The following GRIN2B variants were observed in gnomAD, a reference collection of about 807,000 sequenced individuals.
GRIN2B encodes glutamate ionotropic receptor NMDA type subunit 2B.
GRIN2B carries 5 observed loss-of-function variants against 114.5 expected under a neutral mutation model. The ratio of observed to expected loss-of-function variants is 0.04; its 90% CI spans 0.02 to 0.09. GRIN2B has a LOEUF of 0.09. Among genes scored for constraint, GRIN2B ranks in the 10% least tolerant of loss-of-function variants. GRIN2B has a pLI of 1.00. For synonymous variants in GRIN2B, 787 were observed against 745.1 expected, an observed-to-expected ratio of 1.06 and a Z score of -0.92; for missense variants, 1,108 against 1,943.5, an observed-to-expected ratio of 0.57 and a Z score of 8.08.
rs1427633799 is a variant in GRIN2B, at chr12:13,541,988, T to C, written c.*20795A>G. The C allele has an allele frequency of 1.3e-5, 2 of 152,200 alleles. No individual in the cohort carries two copies. Among genetic ancestry groups the C allele is most frequent in the Admixed American group, 6.5e-5 (1 of 15,272 alleles). The allele number at this position is 152,200 out of a possible 1,614,324, so 9.4% of individuals were successfully genotyped here. On this transcript the variant is annotated 3_prime_UTR_variant, in exon 14 of 14. Transcript: ENST00000609686. ...TCTGCTCTCCTTGCCAAACTACTTG[T>C]TTTTTTCAGACCCTCCCCAAGAGTC... is the stretch of plus-strand genomic sequence containing the variant.
At chr12:13,913,246 T>A (rs1452221777) in intron 2 of GRIN2B, among the ~76,000 whole-genome samples, 1 of 152,188 alleles carries the variant, frequency 6.6e-6, no homozygotes, top group Non-Finnish European at 1.5e-5. Context: ...CATTCAAGTA[T>A]GGTTTTAGAG....
intron 3 of GRIN2B, among the ~76,000 whole-genome samples, chr12:13,755,107 C>T (rs1427923526): frequency 6.6e-6 from 1 of 152,142 alleles, no homozygotes. Context: ...TCCAGGCTAA[C>T]AAAACTGTGT....
rs1438282344 is a variant in GRIN2B at position 13,539,174 on chromosome 12, G to A, written c.*23609C>T. 2.6e-5 allele frequency: 4 copies of A among 152,198 alleles called. No individual in the cohort carries two copies. Among genetic ancestry groups the A allele is most frequent in the African/African-American group, 9.7e-5 (4 of 41,450 alleles). 9.4% of individuals were successfully genotyped at this position (152,198 alleles called of 1,614,324 possible). ...ATCTCTCTGAGACAGTAACTTCAAAGAGATAACAATACATTATCCTGGGAG... is the reference window on the plus strand; with the variant it reads ...ATCTCTCTGAGACAGTAACTTCAAAAAGATAACAATACATTATCCTGGGAG... On this transcript the variant is annotated 3_prime_UTR_variant, in exon 14 of 14. Transcript: ENST00000609686.
At chr12:13,905,617 G>A (rs1169494084) in intron 2 of GRIN2B, among the ~76,000 whole-genome samples, 1 of 152,096 alleles carries the variant, frequency 6.6e-6, no homozygotes, top group Non-Finnish European at 1.5e-5. Flanking sequence ...GAGTGGGGAG[G>A]TGGTTCCCGG....
chr12:13,555,651 C>T lies in GRIN2B; in HGVS notation c.*7132G>A, dbSNP rs1948470569. 6.6e-6 allele frequency: 1 copy of T among 152,062 alleles called. No individual in the cohort carries two copies. Among genetic ancestry groups the T allele is most frequent in the Admixed American group, 6.6e-5 (1 of 15,264 alleles). 9.4% of individuals were successfully genotyped at this position (152,062 alleles called of 1,614,324 possible). A position where few individuals can be genotyped will look rare whatever the true frequency, so the allele number is the denominator to read the frequency against. On this transcript the variant is annotated 3_prime_UTR_variant, in exon 14 of 14. Transcript: ENST00000609686. Reference sequence around the variant, plus strand: ...AAGGATGGAAAAGATGTGTGAAAGACAAGAGAAATCTAAAGGCAGAGAGGA... The same window carrying T: ...AAGGATGGAAAAGATGTGTGAAAGATAAGAGAAATCTAAAGGCAGAGAGGA...
chr12:13,962,089 TAC>T lies in GRIN2B; in HGVS notation c.-19+17837_-19+17838del, dbSNP rs143658576. 1.3e-3 allele frequency among the ~76,000 whole-genome samples: 196 copies of T among 145,340 alleles called. 2 individuals carry two copies. Among genetic ancestry groups the T allele is most frequent in the African/African-American group, 3.9e-3 (153 of 39,598 alleles). On this transcript the variant is annotated intron_variant, in intron 2 of 13. Transcript: ENST00000609686. ...TCTCAGATTCTGTCTCTCTCATACA[TAC>T]ACACACACACACACACACACACACA...
intron 5 of GRIN2B, among the ~76,000 whole-genome samples, chr12:13,669,078 G>A (rs1007042933): frequency 7.9e-5 from 12 of 151,810 alleles, no homozygotes; most frequent in African/African-American, 2.4e-4. Context: ...TTGCTTGCAC[G>A]GGACTGTACA....
intron 4 of GRIN2B, among the ~76,000 whole-genome samples, chr12:13,735,618 A>G (rs764941720): frequency 1.3e-5 from 2 of 152,202 alleles, no homozygotes; most frequent in Admixed American, 1.3e-4. Flanking sequence ...GAATCTCAAT[A>G]GTATCAGAAT....
At position 13,650,585 on chromosome 12, in the gene GRIN2B, C is replaced by G. The variant is rs879567340; in HGVS notation, c.1125+25160G>C. On this transcript the variant is annotated intron_variant, in intron 5 of 13. Transcript: ENST00000609686. ...TGGAGTTCTGAACAAGAAATTATAT[C>G]CCATGAACATCAATTGGCAAATGGG... 2.6e-4 allele frequency among the ~76,000 whole-genome samples: 39 copies of G among 152,024 alleles called. 1 individual carries two copies. Among genetic ancestry groups the G allele is most frequent in the Admixed American group, 5.9e-4 (9 of 15,244 alleles).
At chr12:13,835,005 T>C (rs1255580382) in intron 3 of GRIN2B, among the ~76,000 whole-genome samples, 4 of 152,216 alleles carry the variant, frequency 2.6e-5, no homozygotes, top group Non-Finnish European at 4.4e-5. Context: ...CTTCTCTAAT[T>C]GGCCTTCATG....
intron 3 of GRIN2B, among the ~76,000 whole-genome samples, chr12:13,800,574 C>A (rs184705203): frequency 6.6e-6 from 1 of 152,064 alleles, no homozygotes; most frequent in Non-Finnish European, 1.5e-5. Flanking sequence ...AAACTGTCAC[C>A]CCTTGGGGCT....
intron 2 of GRIN2B, among the ~76,000 whole-genome samples, chr12:13,904,566 G>T (rs1351098038): frequency 1.3e-5 from 2 of 151,872 alleles, no homozygotes; most frequent in Admixed American, 6.6e-5. Flanking sequence ...TACTCCACTT[G>T]CTCTTCACTC....
At chr12:13,928,259 C>T (rs908996276) in intron 2 of GRIN2B, among the ~76,000 whole-genome samples, 4 of 149,622 alleles carry the variant, frequency 2.7e-5, no homozygotes, top group African/African-American at 4.9e-5. Context: ...GCTGAGATTG[C>T]GCCATTACAC....
rs1424106237 is a variant in GRIN2B, at chr12:13,563,657, G to A, written c.3581C>T (p.Pro1194Leu). The change falls in exon 14 of 14, where the codon CCT becomes CTT. Residue 1194 changes from proline (P) to leucine (L), a missense_variant. This residue lies in a region of GRIN2B where 478 missense variants were observed against 506.0 expected (regional missense o/e 0.94). Coordinates refer to ENST00000609686, the MANE Select transcript of GRIN2B (RefSeq NM_000834.5). ...GDKHGVVSGV[P>L]APWEKNLTNV... The stretch of plus-strand genomic sequence containing the variant: ...GGTCAGGTTCTTCTCCCAAGGTGCA[G>A]GTACCCCGCTGACCACGCCGTGTTT... 1 of 1,613,632 alleles carries A rather than the reference G, an allele frequency of 6.2e-7. No individual in the cohort carries two copies. The highest frequency in any genetic ancestry group is 8.5e-7 in the Non-Finnish European group (1 of 1,180,044).
chr12:13,952,772 C>T (rs1867512796), intron 2 of GRIN2B, among the ~76,000 whole-genome samples: 1 of 151,926 alleles, frequency 6.6e-6, no homozygotes, highest in Non-Finnish European at 1.5e-5. Context: ...ATCTCACCCA[C>T]TTTTAATTTC....
intron 2 of GRIN2B, among the ~76,000 whole-genome samples, chr12:13,949,951 A>G (rs1867449254): frequency 6.6e-6 from 1 of 152,216 alleles, no homozygotes; most frequent in Non-Finnish European, 1.5e-5. Flanking sequence ...GGAACTCAAA[A>G]GAGAGCAACA....
chr12:13,792,156 T>C (rs1565538971), intron 3 of GRIN2B, among the ~76,000 whole-genome samples: 1 of 152,240 alleles, frequency 6.6e-6, no homozygotes, highest in Non-Finnish European at 1.5e-5. Flanking sequence ...CCATTGGCCT[T>C]GGACCTATGA....
chr12:13,564,777 G>GACT lies in GRIN2B; in HGVS notation c.2599-139_2599-138insAGT. ...AAGCGAATAGTCTAATATACTATTA[G>GACT]ATGTGGCTAGAAGTTTGCCTAATTT... On this transcript the variant is annotated intron_variant, in intron 13 of 13. Transcript: ENST00000609686. The surrounding 1 kb of genome is among the most constrained non-coding windows in gnomAD (Gnocchi z 4.8). 1.2e-6 allele frequency: 1 copy of GACT among 843,578 alleles called. No individual in the cohort carries two copies. Among genetic ancestry groups the GACT allele is most frequent in the Non-Finnish European group, 2.0e-6 (1 of 505,310 alleles). 52.3% of individuals were successfully genotyped at this position (843,578 alleles called of 1,614,324 possible). A position where few individuals can be genotyped will look rare whatever the true frequency, so the allele number is the denominator to read the frequency against.
intron 3 of GRIN2B, among the ~76,000 whole-genome samples, chr12:13,791,279 G>A (rs1198125382): frequency 3.3e-5 from 5 of 151,786 alleles, no homozygotes; most frequent in African/African-American, 7.3e-5. Context: ...GTGAAACCCC[G>A]TCTCTACTAA....
Sources: allele counts gnomAD v4.1 joint callset (sites outside exome capture counted in the v4.1 genomes callset), GRCh38; gene constraint gnomAD v4.1.1; regional missense constraint gnomAD v4.1.1; non-coding constraint Gnocchi (gnomAD v3.1); transcripts MANE v1.5; gene names NCBI Gene and HGNC (gene_info 2026-07-23, HGNC 2026-07-21).